The following NXPH3 variants were observed in gnomAD, a reference collection of about 807,000 sequenced individuals.
NXPH3 encodes neurexophilin-3.
In NXPH3, 7 loss-of-function variants were observed where a neutral mutation model predicts 18.8. The observed-to-expected ratio is 0.37, with a 90% confidence interval of 0.21 to 0.70. The LOEUF is 0.70. Among genes scored for constraint, NXPH3 ranks in the 30% least tolerant of loss-of-function variants. The probability of loss-of-function intolerance (pLI) is 0.53; values close to 1 mark genes in which losing one functional copy is unlikely to be tolerated. For missense variants in NXPH3, 282 were observed against 338.1 expected (o/e 0.83, Z 1.30); for synonymous variants, 101 against 137.3 (o/e 0.74, Z 1.85).
Position 49,582,931 on chromosome 17 carries a change from C to T in NXPH3, c.*3631C>T, listed in dbSNP as rs548354387. 3 of 152,308 alleles carry T rather than the reference C, an allele frequency of 2.0e-5. No homozygotes were observed. Among genetic ancestry groups the T allele is most frequent in the Non-Finnish European group, 4.4e-5 (3 of 68,134 alleles). 9.4% of individuals were successfully genotyped at this position (152,308 alleles called of 1,614,324 possible). A position where few individuals can be genotyped will look rare whatever the true frequency, so the allele number is the denominator to read the frequency against. ...AAATGAATATCTAGGTCCCTTCCCC[C>T]CCTTCCCCCCTTCCCTTTCCTGGGA... On this transcript the variant is annotated 3_prime_UTR_variant, in exon 2 of 2. Transcript: ENST00000328741.
In NXPH3 at chr17:49,579,197, T is replaced by C. The variant is rs1555570323; in HGVS notation, c.656T>C (p.Val219Ala). 1 of 1,611,362 alleles carries C rather than the reference T, an allele frequency of 6.2e-7. No homozygotes were observed. Among genetic ancestry groups the C allele is most frequent in the Non-Finnish European group, 8.5e-7 (1 of 1,180,026 alleles). Reference protein sequence around the residue: ...TWSCSQPFKVVCVYIAFYSTD... With the variant: ...TWSCSQPFKVACVYIAFYSTD... Reference sequence around the variant, plus strand: ...AGCTGCTCCCAGCCCTTCAAAGTCGTCTGTGTCTACATCGCCTTCTACAGC... The same window carrying C: ...AGCTGCTCCCAGCCCTTCAAAGTCGCCTGTGTCTACATCGCCTTCTACAGC... The change falls in exon 2 of 2, where the codon GTC (valine) becomes GCC (alanine). Residue 219 changes from valine (V) to alanine (A), a missense_variant. Coordinates refer to ENST00000328741, the MANE Select transcript of NXPH3 (RefSeq NM_007225.4). The surrounding 1 kb of genome is among the most constrained non-coding windows in gnomAD (Gnocchi z 6.0).
In NXPH3 at chr17:49,578,640, T is replaced by G. The variant is rs1454473551; in HGVS notation, c.99T>G (p.Pro33=). The G allele has an allele frequency of 8.8e-6, 14 of 1,597,946 alleles. No individual in the cohort carries two copies. The highest frequency in any genetic ancestry group is 1.2e-5 in the Non-Finnish European group (14 of 1,172,500). The part of the protein sequence containing the change: ...QDDGPPGSED[P]ERDDHEGQPR... ...ATGGTCCTCCCGGCTCAGAGGACCCTGAGCGTGATGACCACGAGGGCCAGC... is the reference window on the plus strand; with the variant it reads ...ATGGTCCTCCCGGCTCAGAGGACCCGGAGCGTGATGACCACGAGGGCCAGC... The change falls in exon 2 of 2, where the codon CCT becomes CCG. Residue 33 remains proline (P), a synonymous_variant. Coordinates refer to ENST00000328741, the MANE Select transcript of NXPH3 (RefSeq NM_007225.4). The surrounding 1 kb of genome is among the most constrained non-coding windows in gnomAD (Gnocchi z 4.5).
At position 49,578,909 on chromosome 17, in the gene NXPH3, T is replaced by C. The variant is rs139740513; in HGVS notation, c.368T>C (p.Val123Ala). Residue 123 changes from valine to alanine, a missense_variant, in exon 2 of 2, where the codon GTG becomes GCG. Transcript: ENST00000328741. This position sits in a 1 kb window ranked among gnomAD's most constrained non-coding sequence, Gnocchi z 4.5. ...ALNLLVTGKIVDHGNGTFSVH... is the reference protein window; with the variant it reads ...ALNLLVTGKIADHGNGTFSVH... ...AACCTGCTCGTCACAGGGAAGATTG[T>C]GGACCATGGCAATGGGACCTTCAGC... is the stretch of plus-strand genomic sequence containing the variant. 2.2e-4 allele frequency: 361 copies of C among 1,614,054 alleles called. No homozygotes were observed. Among genetic ancestry groups the C allele is most frequent in the Non-Finnish European group, 2.9e-4 (346 of 1,180,042 alleles).
At position 49,579,408 on chromosome 17, in the gene NXPH3, G is replaced by A. The variant is rs755726477; in HGVS notation, c.*108G>A. On this transcript the variant is annotated 3_prime_UTR_variant, in exon 2 of 2. Coordinates refer to ENST00000328741, the MANE Select transcript of NXPH3 (RefSeq NM_007225.4). The surrounding 1 kb of genome is among the most constrained non-coding windows in gnomAD (Gnocchi z 6.0). ...AAGGGGTTGGGCCTCAGGCAGGGAG[G>A]GGGGTGGAGACGAGGAGATGCCAAG... is the stretch of plus-strand genomic sequence containing the variant. 4.3e-5 allele frequency: 43 copies of A among 989,650 alleles called. 1 individual carries two copies. The highest frequency in any genetic ancestry group is 1.4e-4 in the South Asian group (9 of 62,488). 61.3% of individuals were successfully genotyped at this position (989,650 alleles called of 1,614,324 possible).
rs1266909503 is a variant in NXPH3, at chr17:49,583,603, G to T, written c.*4303G>T. On this transcript the variant is annotated 3_prime_UTR_variant, in exon 2 of 2. Transcript: ENST00000328741. ...TCAGGTGGTCCCAAGGGACAAGCTA[G>T]GTCCTCCTGAACTGCAGAGGCTGCC... is the stretch of plus-strand genomic sequence containing the variant. The T allele has an allele frequency of 1.3e-5, 2 of 152,196 alleles. No homozygotes were observed. Among genetic ancestry groups the T allele is most frequent in the Admixed American group, 1.3e-4 (2 of 15,286 alleles). The allele number at this position is 152,196 out of a possible 1,614,324, so 9.4% of individuals were successfully genotyped here. A position where few individuals can be genotyped will look rare whatever the true frequency, so the allele number is the denominator to read the frequency against.
In NXPH3 at chr17:49,578,222, T is replaced by C. The variant is rs2071580547; in HGVS notation, c.55-374T>C. ...TCTGTCAGCACAGGGATGATGCTTC[T>C]GCAATTAGATGGGGGCTCCCCAAGA... On this transcript the variant is annotated intron_variant, in intron 1 of 1. Transcript: ENST00000328741. The surrounding 1 kb of genome is among the most constrained non-coding windows in gnomAD (Gnocchi z 4.5). Among the ~76,000 whole-genome samples the C allele has an allele frequency of 6.6e-6, 1 of 152,196 alleles. No homozygotes were observed. Among genetic ancestry groups the C allele is most frequent in the African/African-American group, 2.4e-5 (1 of 41,450 alleles).
Position 49,581,453 on chromosome 17 carries a change from A to C in NXPH3, c.*2153A>C, listed in dbSNP as rs375788506. The C allele has an allele frequency of 6.6e-5, 40 of 605,028 alleles. No homozygotes were observed. The highest frequency in any genetic ancestry group is 3.9e-4 in the East Asian group (14 of 36,234). The allele number at this position is 605,028 out of a possible 1,614,324, so 37.5% of individuals were successfully genotyped here. A position where few individuals can be genotyped will look rare whatever the true frequency, so the allele number is the denominator to read the frequency against. Reference sequence around the variant, plus strand: ...CCCTGCCCACCAGCGCTCCGCGCAAACTGGTCCCCTCATACTGCAGCGCAG... The same window carrying C: ...CCCTGCCCACCAGCGCTCCGCGCAACCTGGTCCCCTCATACTGCAGCGCAG... On this transcript the variant is annotated 3_prime_UTR_variant, in exon 2 of 2. Transcript: ENST00000328741.
In NXPH3 at chr17:49,581,690, C is replaced by T. The variant is rs867175303; in HGVS notation, c.*2390C>T. 5.7e-6 allele frequency: 4 copies of T among 702,474 alleles called. No homozygotes were observed. Among genetic ancestry groups the T allele is most frequent in the East Asian group, 2.7e-5 (1 of 37,282 alleles). 43.5% of individuals were successfully genotyped at this position (702,474 alleles called of 1,614,324 possible). A position where few individuals can be genotyped will look rare whatever the true frequency, so the allele number is the denominator to read the frequency against. On this transcript the variant is annotated 3_prime_UTR_variant, in exon 2 of 2. Transcript: ENST00000328741. ...CCACCAATGGACACCCACCGTGTGC[C>T]GTTCAGCCTCCCACAGTGCTGTGGA...
chr17:49,578,625 C>T lies in NXPH3; in HGVS notation c.84C>T (p.Pro28=), dbSNP rs776738760. The T allele has an allele frequency of 1.5e-5, 23 of 1,580,368 alleles. No individual in the cohort carries two copies. Among genetic ancestry groups the T allele is most frequent in the South Asian group, 4.7e-5 (4 of 84,898 alleles). ...LVICGQDDGP[P]GSEDPERDDH... is the part of the protein sequence containing the mutation. ...TCTGTGGCCAGGATGATGGTCCTCC[C>T]GGCTCAGAGGACCCTGAGCGTGATG... is the stretch of plus-strand genomic sequence containing the variant. Residue 28 remains proline, a synonymous_variant, in exon 2 of 2, where the codon CCC becomes CCT. Transcript: ENST00000328741. The surrounding 1 kb of genome is among the most constrained non-coding windows in gnomAD (Gnocchi z 4.5).
rs754786642 is a variant in NXPH3, at chr17:49,579,571, G to A, written c.*271G>A. 30 of 483,432 alleles carry A rather than the reference G, an allele frequency of 6.2e-5. No individual in the cohort carries two copies. The highest frequency in any genetic ancestry group is 9.3e-5 in the Non-Finnish European group (25 of 269,226). 29.9% of individuals were successfully genotyped at this position (483,432 alleles called of 1,614,324 possible). On this transcript the variant is annotated 3_prime_UTR_variant, in exon 2 of 2. Coordinates refer to ENST00000328741, the MANE Select transcript of NXPH3 (RefSeq NM_007225.4). This position sits in a 1 kb window ranked among gnomAD's most constrained non-coding sequence, Gnocchi z 6.0. ...GTGCAGCCTCACAGGGCTTTGCCAC[G>A]GAGCCACAGAGAGATGCTGGGTCCC... is the stretch of plus-strand genomic sequence containing the variant.
chr17:49,579,120 C>T lies in NXPH3; in HGVS notation c.579C>T (p.His193=), dbSNP rs770625764. The part of the protein sequence containing the change: ...ERGRRTSLCT[H]DPAKICSRDH... ...GCCGCCGGACCTCGCTTTGCACCCA[C>T]GACCCAGCCAAGATCTGCTCCCGAG... The change falls in exon 2 of 2, where the codon CAC becomes CAT. Residue 193 remains histidine (H), a synonymous_variant. Transcript: ENST00000328741. The surrounding 1 kb of genome is among the most constrained non-coding windows in gnomAD (Gnocchi z 6.0). The T allele has an allele frequency of 3.2e-5, 51 of 1,613,908 alleles. No homozygotes were observed. In the Admixed American group the frequency reaches 4.0e-4, roughly 13 times the overall value.
At position 49,581,671 on chromosome 17, in the gene NXPH3, A is replaced by G. The variant is rs1227217694; in HGVS notation, c.*2371A>G. Reference sequence around the variant, plus strand: ...CTGCTGGCACTGGAGCAGCCCACCAATGGACACCCACCGTGTGCCGTTCAG... The same window carrying G: ...CTGCTGGCACTGGAGCAGCCCACCAGTGGACACCCACCGTGTGCCGTTCAG... On this transcript the variant is annotated 3_prime_UTR_variant, in exon 2 of 2. Transcript: ENST00000328741. 13 of 702,408 alleles carry G rather than the reference A, an allele frequency of 1.9e-5. No individual in the cohort carries two copies. The highest frequency in any genetic ancestry group is 2.6e-5 in the Non-Finnish European group (10 of 384,984). 43.5% of individuals were successfully genotyped at this position (702,408 alleles called of 1,614,324 possible).
At position 49,579,376 on chromosome 17, in the gene NXPH3, G is replaced by A. The variant is rs1324907692; in HGVS notation, c.*76G>A. 1.5e-6 allele frequency: 2 copies of A among 1,307,386 alleles called. No homozygotes were observed. The highest frequency in any genetic ancestry group is 2.0e-5 in the Admixed American group (1 of 48,804). 81.0% of individuals were successfully genotyped at this position (1,307,386 alleles called of 1,614,324 possible). ...CATGCAGGAGACCATCTGGACACCG[G>A]GCAGGGAAGGGGTTGGGCCTCAGGC... is the stretch of plus-strand genomic sequence containing the variant. On this transcript the variant is annotated 3_prime_UTR_variant, in exon 2 of 2. Transcript: ENST00000328741. The surrounding 1 kb of genome is among the most constrained non-coding windows in gnomAD (Gnocchi z 6.0).
In NXPH3 at chr17:49,582,117, G is replaced by T; in HGVS notation, c.*2817G>T. ...CCCGCTTGGTCCTCACAAGGGCAAG[G>T]GGTCCATCCAACTTCCTCTGGCTAA... On this transcript the variant is annotated 3_prime_UTR_variant, in exon 2 of 2. Coordinates refer to ENST00000328741, the MANE Select transcript of NXPH3 (RefSeq NM_007225.4). 1.9e-6 allele frequency: 1 copy of T among 520,688 alleles called. No homozygotes were observed. The allele number at this position is 520,688 out of a possible 1,614,324, so 32.3% of individuals were successfully genotyped here.
Position 49,578,069 on chromosome 17 carries a change from G to A in NXPH3, c.55-527G>A, listed in dbSNP as rs1050605740. ...GCTGGCCTCTCCTGTCAAACCAGGGGCTCTCCCAGGATAAGAATGGTGCTT... is the reference window on the plus strand; with the variant it reads ...GCTGGCCTCTCCTGTCAAACCAGGGACTCTCCCAGGATAAGAATGGTGCTT... On this transcript the variant is annotated intron_variant, in intron 1 of 1. Transcript: ENST00000328741. The surrounding 1 kb of genome is among the most constrained non-coding windows in gnomAD (Gnocchi z 4.5). 1 of 153,208 alleles carries A rather than the reference G, an allele frequency of 6.5e-6. No individual in the cohort carries two copies. Among genetic ancestry groups the A allele is most frequent in the African/African-American group, 2.4e-5 (1 of 41,466 alleles). The allele number at this position is 153,208 out of a possible 1,614,324, so 9.5% of individuals were successfully genotyped here.
In NXPH3 at chr17:49,581,604, T is replaced by G. The variant is rs992699709; in HGVS notation, c.*2304T>G. Reference sequence around the variant, plus strand: ...AGTGGAGATGTGAGACACACACCCCTCCTCCAGACCACCCTCCGCTCCCCA... The same window carrying G: ...AGTGGAGATGTGAGACACACACCCCGCCTCCAGACCACCCTCCGCTCCCCA... On this transcript the variant is annotated 3_prime_UTR_variant, in exon 2 of 2. Transcript: ENST00000328741. 10 of 701,468 alleles carry G rather than the reference T, an allele frequency of 1.4e-5. No homozygotes were observed. Among genetic ancestry groups the G allele is most frequent in the Non-Finnish European group, 2.6e-5 (10 of 384,478 alleles). The allele number at this position is 701,468 out of a possible 1,614,324, so 43.5% of individuals were successfully genotyped here. A position where few individuals can be genotyped will look rare whatever the true frequency, so the allele number is the denominator to read the frequency against.
chr17:49,578,912 A>G lies in NXPH3; in HGVS notation c.371A>G (p.Asp124Gly), dbSNP rs1423456315. The G allele has an allele frequency of 6.2e-7, 1 of 1,614,134 alleles. No individual in the cohort carries two copies. Among genetic ancestry groups the G allele is most frequent in the East Asian group, 2.2e-5 (1 of 44,882 alleles). ...LNLLVTGKIV[D>G]HGNGTFSVHF... The stretch of plus-strand genomic sequence containing the variant: ...CTGCTCGTCACAGGGAAGATTGTGG[A>G]CCATGGCAATGGGACCTTCAGCGTC... The change falls in exon 2 of 2, where the codon GAC (aspartate) becomes GGC (glycine). Residue 124 changes from aspartate (D) to glycine (G), a missense_variant. Physicochemically the swap from Asp to Gly is moderately conservative, Grantham distance 94. Transcript: ENST00000328741. This position sits in a 1 kb window ranked among gnomAD's most constrained non-coding sequence, Gnocchi z 4.5.
rs143775921 is a variant in NXPH3, at chr17:49,581,010, C to T, written c.*1710C>T. On this transcript the variant is annotated 3_prime_UTR_variant, in exon 2 of 2. Transcript: ENST00000328741. ...TGAAGTTCATCTCTGGCTATGGCTC[C>T]GCAGGAGGGGGAGACACCTCGGATG... is the stretch of plus-strand genomic sequence containing the variant. 27 of 153,898 alleles carry T rather than the reference C, an allele frequency of 1.8e-4. No individual in the cohort carries two copies. Among genetic ancestry groups the T allele is most frequent in the East Asian group, 3.8e-4 (2 of 5,206 alleles). 9.5% of individuals were successfully genotyped at this position (153,898 alleles called of 1,614,324 possible). A position where few individuals can be genotyped will look rare whatever the true frequency, so the allele number is the denominator to read the frequency against.
Position 49,578,813 on chromosome 17 carries a change from C to A in NXPH3, c.272C>A (p.Pro91Gln), listed in dbSNP as rs779567547. 3 of 1,613,876 alleles carry A rather than the reference C, an allele frequency of 1.9e-6. No homozygotes were observed. The highest frequency in any genetic ancestry group is 1.7e-6 in the Non-Finnish European group (2 of 1,179,948). ...CCCAACCGCCCGAACCACAGCCCCC[C>A]ACCCTCAGCCAAGGTGAAGAAAATC... ...QPPNRPNHSP[P>Q]PSAKVKKIFG... The change falls in exon 2 of 2, where the codon CCA becomes CAA. Residue 91 changes from proline to glutamine, a missense_variant. Physicochemically the swap from Pro to Gln is moderately conservative, Grantham distance 76 (BLOSUM62 -1). Transcript: ENST00000328741. This position sits in a 1 kb window ranked among gnomAD's most constrained non-coding sequence, Gnocchi z 4.5.
Sources: allele counts gnomAD v4.1 joint callset (sites outside exome capture counted in the v4.1 genomes callset), GRCh38; gene constraint gnomAD v4.1.1; non-coding constraint Gnocchi (gnomAD v3.1); transcripts MANE v1.5; gene names NCBI Gene and HGNC (gene_info 2026-07-23, HGNC 2026-07-21).